The following RNF180 variants were observed in gnomAD, a reference collection of about 807,000 sequenced individuals.
RNF180 encodes the protein E3 ubiquitin-protein ligase RNF180.
Under a neutral mutation model 59.2 loss-of-function variants are expected in RNF180, and 38 were observed. The ratio of observed to expected loss-of-function variants is 0.64; its 90% CI spans 0.50 to 0.84. RNF180 has a LOEUF of 0.84. Among genes scored for constraint, RNF180 ranks in the 40% least tolerant of loss-of-function variants. The pLI, the probability that RNF180 is intolerant of heterozygous loss-of-function variation, is 0.00. For synonymous variants in RNF180, 262 were observed against 240.3 expected, an observed-to-expected ratio of 1.09 and a Z score of -0.84; for missense variants, 705 against 700.9, an observed-to-expected ratio of 1.01 and a Z score of -0.07.
intron 1 of RNF180, among the ~76,000 whole-genome samples, chr5:64,177,717 G>A (rs1050544071): frequency 6.6e-6 from 1 of 151,724 alleles, no homozygotes; most frequent in East Asian, 1.9e-4. Flanking sequence ...CAGTGTTCTG[G>A]TAGAAAATAG....
chr5:64,233,305 A>C (rs1421831014), intron 5 of RNF180, among the ~76,000 whole-genome samples: 1 of 152,228 alleles, frequency 6.6e-6, no homozygotes, highest in Non-Finnish European at 1.5e-5. Context: ...AGAAGCCTAA[A>C]AAATGAAAAA....
chr5:64,268,698 G>A (rs1362138539), intron 5 of RNF180, among the ~76,000 whole-genome samples: 2 of 152,112 alleles, frequency 1.3e-5, no homozygotes, highest in Non-Finnish European at 2.9e-5. Flanking sequence ...TCCTTCAAAT[G>A]CAAAATTTAA....
At position 64,214,082 on chromosome 5, in the gene RNF180, T is replaced by G; in HGVS notation, c.756T>G (p.Thr252=). The stretch of plus-strand genomic sequence containing the variant: ...CTTTATATGAAATACATAGTAAGAC[T>G]ACTGCCTATTCCAGACTAAATGAAA... The part of the protein sequence containing the change: ...LPTLYEIHSK[T]TAYSRLNETQ... The change falls in exon 4 of 8, where the codon ACT becomes ACG. Residue 252 remains threonine, a synonymous_variant. Coordinates refer to ENST00000389100, the MANE Select transcript of RNF180 (RefSeq NM_001113561.2). 1 of 1,613,948 alleles carries G rather than the reference T, an allele frequency of 6.2e-7. No homozygotes were observed. Among genetic ancestry groups the G allele is most frequent in the Non-Finnish European group, 8.5e-7 (1 of 1,179,822 alleles).
intron 6 of RNF180, among the ~76,000 whole-genome samples, chr5:64,325,776 C>T (rs1272556507): frequency 6.6e-6 from 1 of 152,114 alleles, no homozygotes; most frequent in African/African-American, 2.4e-5. Flanking sequence ...CCTTTGGAGT[C>T]ACAGAGAATA....
intron 7 of RNF180, among the ~76,000 whole-genome samples, chr5:64,364,126 A>G (rs1450301143): frequency 4.0e-5 from 6 of 151,742 alleles, no homozygotes; most frequent in East Asian, 1.9e-4. Flanking sequence ...TGCTTGTCAA[A>G]TAAGAGTGGT....
intron 7 of RNF180, among the ~76,000 whole-genome samples, chr5:64,362,592 G>A (rs1189688793): frequency 1.3e-5 from 2 of 151,762 alleles, no homozygotes; most frequent in East Asian, 1.9e-4. Context: ...ATATTCCTTT[G>A]GGTATATACC....
intron 7 of RNF180, among the ~76,000 whole-genome samples, chr5:64,343,165 C>T (rs772086853): frequency 2.4e-4 from 36 of 152,040 alleles, no homozygotes; most frequent in Non-Finnish European, 4.4e-4. Flanking sequence ...AACACATCTC[C>T]TCTTTGATCT....
At chr5:64,249,664 A>G (rs1247081932) in intron 5 of RNF180, among the ~76,000 whole-genome samples, 1 of 152,196 alleles carries the variant, frequency 6.6e-6, no homozygotes, top group Non-Finnish European at 1.5e-5. Context: ...AAAAGTGAGC[A>G]GGAGTAGCTA....
intron 5 of RNF180, among the ~76,000 whole-genome samples, chr5:64,255,017 A>G (rs1482607447): frequency 1.3e-5 from 2 of 152,118 alleles, no homozygotes; most frequent in Non-Finnish European, 2.9e-5. Context: ...CCATATTTCT[A>G]AAGAAAGATC....
chr5:64,351,110 G>A (rs1745788644), intron 7 of RNF180, among the ~76,000 whole-genome samples: 1 of 151,878 alleles, frequency 6.6e-6, no homozygotes, highest in Non-Finnish European at 1.5e-5. Flanking sequence ...AGTTCTCCTT[G>A]AAGAGGTCCT....
rs539246611 is a variant in RNF180, at chr5:64,258,409, G to A, written c.1227+41013G>A. On this transcript the variant is annotated intron_variant, in intron 5 of 7. Transcript: ENST00000389100. ...CTAGTTAGAAGTTATTCTGGTAAGA[G>A]AGGTTGAGTTACTGAACCAATAAAA... Among the ~76,000 whole-genome samples the A allele has an allele frequency of 3.3e-5, 5 of 152,306 alleles. No homozygotes were observed. The East Asian group carries it at 9.6e-4, about 29-fold the overall frequency.
chr5:64,178,699 A>AT (rs1275308134), intron 1 of RNF180, among the ~76,000 whole-genome samples: 1 of 152,042 alleles, frequency 6.6e-6, no homozygotes, highest in Non-Finnish European at 1.5e-5. Context: ...TTCTTAATTT[A>AT]TTTTTTTATA....
At chr5:64,260,059 A>G (rs1185186151) in intron 5 of RNF180, among the ~76,000 whole-genome samples, 1 of 152,246 alleles carries the variant, frequency 6.6e-6, no homozygotes, top group Non-Finnish European at 1.5e-5. Context: ...GACTTTATAC[A>G]TACACAATTT....
At chr5:64,296,528 C>T (rs943730237) in intron 5 of RNF180, among the ~76,000 whole-genome samples, 1 of 151,958 alleles carries the variant, frequency 6.6e-6, no homozygotes, top group Non-Finnish European at 1.5e-5. Flanking sequence ...TTGTGCAATA[C>T]AGCATATATA....
chr5:64,181,112 T>C (rs571673443), intron 1 of RNF180, among the ~76,000 whole-genome samples: 4 of 152,328 alleles, frequency 2.6e-5, no homozygotes, highest in African/African-American at 7.2e-5. Context: ...GCTGGATGAC[T>C]CAGCAAGCCT....
At chr5:64,263,894 G>A (rs1744505453) in intron 5 of RNF180, among the ~76,000 whole-genome samples, 1 of 152,090 alleles carries the variant, frequency 6.6e-6, no homozygotes, top group African/African-American at 2.4e-5. Context: ...AAACAGCTTA[G>A]TGTTTTGGGC....
rs1173443373 is a variant in RNF180 at position 64,232,637 on chromosome 5, C to G, written c.1227+15241C>G. 2.6e-5 allele frequency among the ~76,000 whole-genome samples: 4 copies of G among 152,258 alleles called. No individual in the cohort carries two copies. The East Asian group carries it at 7.7e-4, about 29-fold the overall frequency. Reference sequence around the variant, plus strand: ...ATATTGAAGAATGAAAATGAATAAACCTTCTTAAATGGTATGCCACCTCTA... The same window carrying G: ...ATATTGAAGAATGAAAATGAATAAAGCTTCTTAAATGGTATGCCACCTCTA... On this transcript the variant is annotated intron_variant, in intron 5 of 7. Transcript: ENST00000389100.
intron 1 of RNF180, among the ~76,000 whole-genome samples, chr5:64,169,527 A>C (rs904912182): frequency 6.6e-6 from 1 of 152,232 alleles, no homozygotes; most frequent in Non-Finnish European, 1.5e-5. Flanking sequence ...TATCAGAAAG[A>C]TAATACCAAG....
At chr5:64,176,750 G>T (rs1330073363) in intron 1 of RNF180, among the ~76,000 whole-genome samples, 1 of 152,156 alleles carries the variant, frequency 6.6e-6, no homozygotes, top group Non-Finnish European at 1.5e-5. Flanking sequence ...GAAAACCTTA[G>T]AAACAACCAC....
Sources: allele counts gnomAD v4.1 joint callset (sites outside exome capture counted in the v4.1 genomes callset), GRCh38; gene constraint gnomAD v4.1.1; transcripts MANE v1.5; gene names NCBI Gene and HGNC (gene_info 2026-07-23, HGNC 2026-07-21).